Variants in DTNA observed in about 807,000 individuals in gnomAD.
DTNA encodes dystrophin-related protein 3.
A neutral mutation model predicts 100.7 loss-of-function variants in DTNA; 43 were observed. The observed-to-expected ratio is 0.43, with a 90% CI of 0.33 to 0.55. DTNA has a LOEUF of 0.55. DTNA is among the 20% of genes least tolerant of loss of function. DTNA has a pLI of 0.04. For missense variants in DTNA, 798 were observed against 953.9 expected, an observed-to-expected ratio of 0.84 and a Z score of 2.15; for synonymous variants, 349 against 347.9, an observed-to-expected ratio of 1.00 and a Z score of -0.04.
chr18:34,583,099 A>G (rs2048792521), intron 1 of DTNA, among the ~76,000 whole-genome samples: 1 of 152,248 alleles, frequency 6.6e-6, no homozygotes, highest in African/African-American at 2.4e-5. Flanking sequence ...GGAAGGAATT[A>G]TTTATAATTA....
At chr18:34,830,202 C>T (rs1236585054) in intron 11 of DTNA, among the ~76,000 whole-genome samples, 1 of 152,094 alleles carries the variant, frequency 6.6e-6, no homozygotes, top group Admixed American at 6.5e-5. Context: ...GCCCTCACCC[C>T]TAGCCCATCC....
chr18:34,704,774 C>T (rs1350952317), intron 1 of DTNA, among the ~76,000 whole-genome samples: 3 of 152,162 alleles, frequency 2.0e-5, no homozygotes, highest in Non-Finnish European at 2.9e-5. Context: ...AAACAATAAT[C>T]TCTAAATCTT....
intron 1 of DTNA, among the ~76,000 whole-genome samples, chr18:34,749,581 C>T (rs2092078365): frequency 6.6e-6 from 1 of 151,578 alleles, no homozygotes. Context: ...AAACCAAATC[C>T]CGGATAACCC....
chr18:34,527,100 CT>C (rs1286179368), intron 1 of DTNA, among the ~76,000 whole-genome samples: 1 of 151,952 alleles, frequency 6.6e-6, no homozygotes, highest in African/African-American at 2.4e-5. Context: ...TACAATTGTC[CT>C]TTCTGTAACA....
intron 1 of DTNA, among the ~76,000 whole-genome samples, chr18:34,668,308 T>C (rs2076236979): frequency 6.6e-6 from 1 of 152,184 alleles, no homozygotes; most frequent in African/African-American, 2.4e-5. Flanking sequence ...TATTTGATTC[T>C]TCTCTCTTTT....
intron 1 of DTNA, among the ~76,000 whole-genome samples, chr18:34,642,012 GTAC>G (rs2059329296): frequency 6.6e-6 from 1 of 152,190 alleles, no homozygotes; most frequent in Non-Finnish European, 1.5e-5. Context: ...TATAAGGATT[GTAC>G]TATATTCAGA....
chr18:34,656,187 T>C (rs942183795), intron 1 of DTNA, among the ~76,000 whole-genome samples: 1 of 152,254 alleles, frequency 6.6e-6, no homozygotes, highest in Non-Finnish European at 1.5e-5. Context: ...TATAAGTTGC[T>C]TTTATCTCTT....
chr18:34,503,352 A>G (rs538732814), intron 1 of DTNA, among the ~76,000 whole-genome samples: 15 of 133,460 alleles, frequency 1.1e-4, no homozygotes, highest in African/African-American at 4.3e-4. Context: ...CAGTGGTGCA[A>G]TCTCGGCTCA....
chr18:34,742,466 CA>C (rs2090829004), intron 1 of DTNA, among the ~76,000 whole-genome samples: 1 of 152,060 alleles, frequency 6.6e-6, no homozygotes, highest in African/African-American at 2.4e-5. Flanking sequence ...CCTCTCTCAA[CA>C]CTTTATGAGA....
At chr18:34,793,255 C>G (rs1375781450) in intron 3 of DTNA, among the ~76,000 whole-genome samples, 1 of 152,126 alleles carries the variant, frequency 6.6e-6, no homozygotes, top group Non-Finnish European at 1.5e-5. Context: ...TTATCTTGGT[C>G]GTGATCATGG....
intron 1 of DTNA, among the ~76,000 whole-genome samples, chr18:34,534,563 T>C (rs2145589690): frequency 6.6e-6 from 1 of 152,054 alleles, no homozygotes; most frequent in East Asian, 1.9e-4. Context: ...TCCATGGTGG[T>C]TTGCTGCACC....
intron 9 of DTNA, among the ~76,000 whole-genome samples, chr18:34,821,753 A>G (rs1026631559): frequency 6.6e-6 from 1 of 152,226 alleles, no homozygotes; most frequent in East Asian, 1.9e-4. Context: ...AGTGGGACCT[A>G]TCACACCATA....
chr18:34,840,080 C>A (rs1050217185), intron 13 of DTNA, among the ~76,000 whole-genome samples: 42 of 152,214 alleles, frequency 2.8e-4, no homozygotes, highest in African/African-American at 9.4e-4. Flanking sequence ...ATTTTTAGTT[C>A]TCATGAACTG....
chr18:34,615,326 C>T (rs981565860), intron 1 of DTNA, among the ~76,000 whole-genome samples: 2 of 152,132 alleles, frequency 1.3e-5, no homozygotes, highest in Non-Finnish European at 2.9e-5. Flanking sequence ...CCAAACACCT[C>T]CAACCAGGCC....
At chr18:34,662,654 T>C (rs546319548) in intron 1 of DTNA, among the ~76,000 whole-genome samples, 3 of 152,308 alleles carry the variant, frequency 2.0e-5, no homozygotes, top group Admixed American at 6.5e-5. Context: ...ACAGCTGATA[T>C]TCTGATTTAC....
intron 3 of DTNA, among the ~76,000 whole-genome samples, chr18:34,777,183 T>C (rs1008297831): frequency 2.0e-5 from 3 of 152,240 alleles, no homozygotes; most frequent in Non-Finnish European, 2.9e-5. Context: ...CCAACTTGAG[T>C]GTAGGCTTCT....
At chr18:34,795,401 A>G (rs1485510089) in intron 4 of DTNA, among the ~76,000 whole-genome samples, 3 of 152,242 alleles carry the variant, frequency 2.0e-5, no homozygotes, top group Non-Finnish European at 2.9e-5. Flanking sequence ...CAATTTTACA[A>G]CTAGCATTCC....
intron 1 of DTNA, among the ~76,000 whole-genome samples, chr18:34,666,849 G>A (rs1258720190): frequency 6.6e-6 from 1 of 152,152 alleles, no homozygotes; most frequent in Non-Finnish European, 1.5e-5. Context: ...GTGAAGTCAG[G>A]TAGTGTGATG....
intron 17 of DTNA, chr18:34,866,625 C>A: frequency 9.9e-7 from 1 of 1,011,478 alleles, no homozygotes; most frequent in Non-Finnish European, 1.2e-6. Flanking sequence ...TTATAAAAAT[C>A]AGGCAATTAA....
Sources: gnomAD v4.1 joint callset for allele counts (sites outside exome capture counted in the v4.1 genomes callset) on GRCh38, gnomAD v4.1.1 for gene constraint, MANE v1.5 for transcripts, NCBI Gene and HGNC (gene_info 2026-07-23, HGNC 2026-07-21) for gene names.